PCDHGA10: variants seen among roughly 807,000 people sequenced by gnomAD.
PCDHGA10 encodes protocadherin gamma subfamily A, 10, also known as protocadherin gamma-A10.
In PCDHGA10, 42 loss-of-function variants were observed where a neutral mutation model predicts 59.5. That is an observed-to-expected ratio of 0.71 (90% CI 0.55 to 0.91). The LOEUF (loss-of-function observed/expected upper bound fraction) is 0.91, where lower values mean the gene tolerates loss of function less well. PCDHGA10 is among the 40% of genes least tolerant of loss of function. PCDHGA10 has a pLI of 0.00. For synonymous variants in PCDHGA10, 511 were observed against 517.2 expected (o/e 0.99, Z 0.16); for missense variants, 1,111 against 1,198.2 (o/e 0.93, Z 1.07).
At position 141,485,396 on chromosome 5, in the gene PCDHGA10, T is replaced by C. The variant is rs1466959644; in HGVS notation, c.2437-9411T>C. 2.5e-6 allele frequency: 4 copies of C among 1,614,042 alleles called. No homozygotes were observed. Among genetic ancestry groups the C allele is most frequent in the Non-Finnish European group, 3.4e-6 (4 of 1,179,960 alleles). On this transcript the variant is annotated intron_variant, in intron 1 of 3. Coordinates refer to ENST00000398610, the MANE Select transcript of PCDHGA10 (RefSeq NM_018913.3). The surrounding 1 kb of genome is among the most constrained non-coding windows in gnomAD (Gnocchi z 5.7). ...CGCTGGAGAGGTGAACCAAAGACAC[T>C]TCCGTGTGGATTTGGACAGCGGAGC...
At chr5:141,500,348 A>G (rs2099799436) in intron 2 of PCDHGA10, among the ~76,000 whole-genome samples, 1 of 151,950 alleles carries the variant, frequency 6.6e-6, no homozygotes, top group Non-Finnish European at 1.5e-5. Context: ...AGCTGGGACT[A>G]CAGGCGCCCA....
chr5:141,465,413 G>A (rs996581829), intron 1 of PCDHGA10, among the ~76,000 whole-genome samples: 1 of 152,174 alleles, frequency 6.6e-6, no homozygotes, highest in Non-Finnish European at 1.5e-5. Context: ...AGCCAAATCA[G>A]CACTGAAAGG....
intron 1 of PCDHGA10, among the ~76,000 whole-genome samples, chr5:141,465,779 GT>G (rs879859429): frequency 5.2e-4 from 76 of 145,138 alleles, no homozygotes; most frequent in South Asian, 1.1e-3. Flanking sequence ...TCTTGTTACA[GT>G]TTTTTTTTTT....
At chr5:141,415,683 G>C in intron 1 of PCDHGA10, 72 bp downstream of exon 1, 1 of 1,517,194 alleles carries the variant, frequency 6.6e-7, no homozygotes, top group African/African-American at 1.4e-5. Flanking sequence ...TTTGCGGCAT[G>C]ATGGTGGAAA....
intron 2 of PCDHGA10, among the ~76,000 whole-genome samples, chr5:141,495,119 C>T (rs1024197360): frequency 3.9e-5 from 6 of 152,182 alleles, no homozygotes; most frequent in African/African-American, 1.4e-4. Context: ...CTTTTCCTAT[C>T]CCCTGAGGGC....
intron 1 of PCDHGA10, chr5:141,419,071 A>G: frequency 6.2e-7 from 1 of 1,614,006 alleles, no homozygotes; most frequent in South Asian, 1.1e-5. Flanking sequence ...ACTACAAGCT[A>G]GTAACAGATG....
chr5:141,487,616 G>T lies in PCDHGA10; in HGVS notation c.2437-7191G>T. The T allele has an allele frequency of 1.2e-6, 2 of 1,614,220 alleles. No homozygotes were observed. The highest frequency in any genetic ancestry group is 1.7e-6 in the Non-Finnish European group (2 of 1,180,044). ...CTCTGATCTTCTCTATGGGCTAGAGGTGAGACCTTTGCAGGCTCAACAAAT... is the reference window on the plus strand; with the variant it reads ...CTCTGATCTTCTCTATGGGCTAGAGTTGAGACCTTTGCAGGCTCAACAAAT... On this transcript the variant is annotated intron_variant, in intron 1 of 3. Coordinates refer to ENST00000398610, the MANE Select transcript of PCDHGA10 (RefSeq NM_018913.3). This position sits in a 1 kb window ranked among gnomAD's most constrained non-coding sequence, Gnocchi z 5.0.
intron 1 of PCDHGA10, among the ~76,000 whole-genome samples, chr5:141,456,877 C>T (rs910777736): frequency 2.0e-5 from 3 of 152,202 alleles, no homozygotes; most frequent in South Asian, 2.1e-4. Context: ...GCAGGAGAAT[C>T]GCTTGAACCC....
At chr5:141,466,983 C>A (rs2099133398) in intron 1 of PCDHGA10, among the ~76,000 whole-genome samples, 1 of 151,884 alleles carries the variant, frequency 6.6e-6, no homozygotes, top group African/African-American at 2.4e-5. Context: ...TCATCATTTA[C>A]CTTTTGGCAT....
At chr5:141,492,527 G>A (rs1000672383) in intron 1 of PCDHGA10, among the ~76,000 whole-genome samples, 1 of 152,184 alleles carries the variant, frequency 6.6e-6, no homozygotes, top group African/African-American at 2.4e-5. Flanking sequence ...TCTCCCACCT[G>A]CGCCCCGGGC....
intron 1 of PCDHGA10, among the ~76,000 whole-genome samples, chr5:141,461,314 T>A (rs1453512629): frequency 6.6e-6 from 1 of 152,198 alleles, no homozygotes; most frequent in Non-Finnish European, 1.5e-5. Context: ...TTTTTTGACT[T>A]TTTAATAATG....
rs2099450974 is a variant in PCDHGA10 at position 141,478,361 on chromosome 5, G to A, written c.2437-16446G>A. 6 of 1,613,776 alleles carry A rather than the reference G, an allele frequency of 3.7e-6. No individual in the cohort carries two copies. The East Asian group carries it at 1.3e-4, about 36-fold the overall frequency. ...CTCCTTGCACGCGGACGCCGTGCGGGGAGGCCTGATGTCGCCGCACCTTTA... is the reference window on the plus strand; with the variant it reads ...CTCCTTGCACGCGGACGCCGTGCGGAGAGGCCTGATGTCGCCGCACCTTTA... On this transcript the variant is annotated intron_variant, in intron 1 of 3. Coordinates refer to ENST00000398610, the MANE Select transcript of PCDHGA10 (RefSeq NM_018913.3).
In PCDHGA10 at chr5:141,498,877, G is replaced by A. The variant is rs886444261; in HGVS notation, c.2495+4012G>A. ...GAACCCAGGAGGCGGAGGTTGCAGTGAGCTGAGATCACACCACTGCACTCC... is the reference window on the plus strand; with the variant it reads ...GAACCCAGGAGGCGGAGGTTGCAGTAAGCTGAGATCACACCACTGCACTCC... On this transcript the variant is annotated intron_variant, in intron 2 of 3. Coordinates refer to ENST00000398610, the MANE Select transcript of PCDHGA10 (RefSeq NM_018913.3). Among the ~76,000 whole-genome samples, 8 of 149,816 alleles carry A rather than the reference G, an allele frequency of 5.3e-5. No individual in the cohort carries two copies. In the East Asian group the frequency reaches 1.4e-3, roughly 26 times the overall value.
chr5:141,463,373 GTCTGAAAGTT>G (rs1463437299), intron 1 of PCDHGA10, among the ~76,000 whole-genome samples: 1 of 147,058 alleles, frequency 6.8e-6, no homozygotes, highest in Non-Finnish European at 1.5e-5. Context: ...CTGCCCCACA[GTCTGAAAGTT>G]GTCTCCAGGC....
At chr5:141,480,948 G>C (rs1288557779) in intron 1 of PCDHGA10, among the ~76,000 whole-genome samples, 1 of 152,138 alleles carries the variant, frequency 6.6e-6, no homozygotes, top group Non-Finnish European at 1.5e-5. Context: ...TAGAGGCTGA[G>C]GCGGAAGCAT....
At chr5:141,437,561 C>G (rs1228292384) in intron 1 of PCDHGA10, among the ~76,000 whole-genome samples, 1 of 152,110 alleles carries the variant, frequency 6.6e-6, no homozygotes, top group Non-Finnish European at 1.5e-5. Context: ...TGACATGTAA[C>G]AGAGTATAGC....
In PCDHGA10 at chr5:141,489,576, C is replaced by T; in HGVS notation, c.2437-5231C>T. 1.9e-6 allele frequency: 3 copies of T among 1,614,054 alleles called. No individual in the cohort carries two copies. Among genetic ancestry groups the T allele is most frequent in the Non-Finnish European group, 2.5e-6 (3 of 1,179,976 alleles). Reference sequence around the variant, plus strand: ...TGCCAGTGCAGGTGGTGACTGAACACCCCCTGGAGCTAATCCGTGTAGAGG... The same window carrying T: ...TGCCAGTGCAGGTGGTGACTGAACATCCCCTGGAGCTAATCCGTGTAGAGG... On this transcript the variant is annotated intron_variant, in intron 1 of 3. Coordinates refer to ENST00000398610, the MANE Select transcript of PCDHGA10 (RefSeq NM_018913.3). This position sits in a 1 kb window ranked among gnomAD's most constrained non-coding sequence, Gnocchi z 4.5.
rs1471215172 is a variant in PCDHGA10 at position 141,511,840 on chromosome 5, TCTG to T, written c.*668_*670del. 1 of 156,722 alleles carries T rather than the reference TCTG, an allele frequency of 6.4e-6. No homozygotes were observed. Among genetic ancestry groups the T allele is most frequent in the African/African-American group, 2.4e-5 (1 of 41,448 alleles). The allele number at this position is 156,722 out of a possible 1,614,324, so 9.7% of individuals were successfully genotyped here. A position where few individuals can be genotyped will look rare whatever the true frequency, so the allele number is the denominator to read the frequency against. On this transcript the variant is annotated 3_prime_UTR_variant, in exon 4 of 4. Coordinates refer to ENST00000398610, the MANE Select transcript of PCDHGA10 (RefSeq NM_018913.3). ...TTCCCAACGCCCTGGGGACCAGTCTTCTGTTTTGTTTTTCATTGTTTGACGTTT... is the reference window on the plus strand; with the variant it reads ...TTCCCAACGCCCTGGGGACCAGTCTTTTTTGTTTTTCATTGTTTGACGTTT...
At chr5:141,435,919 T>C (rs2097786247) in intron 1 of PCDHGA10, among the ~76,000 whole-genome samples, 2 of 152,148 alleles carry the variant, frequency 1.3e-5, no homozygotes, top group South Asian at 4.1e-4. Flanking sequence ...GGCTCTAAAA[T>C]GCGGCAGTTG....
Sources: gnomAD v4.1 joint callset for allele counts (sites outside exome capture counted in the v4.1 genomes callset) on GRCh38, gnomAD v4.1.1 for gene constraint, Gnocchi (gnomAD v3.1) non-coding constraint, MANE v1.5 for transcripts, NCBI Gene and HGNC (gene_info 2026-07-23, HGNC 2026-07-21) for gene names.